Variants in ATXN7L1 observed in about 807,000 individuals in gnomAD.
ATXN7L1 encodes ataxin-7-like protein 1.
In ATXN7L1, 15 loss-of-function variants were observed where a neutral mutation model predicts 70.8. That is an observed-to-expected ratio of 0.21 (90% CI 0.14 to 0.33). The LOEUF is 0.33. Ranked by LOEUF, ATXN7L1 falls within the 10% of genes least tolerant of loss-of-function variation. The pLI is 1.00. For synonymous variants in ATXN7L1, 440 were observed against 445.1 expected (o/e 0.99, Z 0.14); for missense variants, 975 against 1,097.1 (o/e 0.89, Z 1.57).
Position 105,795,719 on chromosome 7 carries a change from C to G in ATXN7L1, c.251-7011G>C, listed in dbSNP as rs1805891803. 1.3e-5 allele frequency among the ~76,000 whole-genome samples: 2 copies of G among 152,126 alleles called. 1 individual carries two copies. Among genetic ancestry groups the G allele is most frequent in the South Asian group, 4.1e-4 (2 of 4,830 alleles). On this transcript the variant is annotated intron_variant, in intron 2 of 11. Transcript: ENST00000419735. ...TGAAGGCAGTCGGACAGCCTATTGG[C>G]AATCAGTGATATCTACGCTCACCAT...
chr7:105,819,781 GC>G, intron 2 of ATXN7L1: 1 of 675,208 alleles, frequency 1.5e-6, no homozygotes. Context: ...AGGCCGGGCC[GC>G]CCTGGAGCGC....
intron 4 of ATXN7L1, 92 bp downstream of exon 4, chr7:105,664,974 G>A: frequency 7.7e-7 from 1 of 1,299,446 alleles, no homozygotes; most frequent in Non-Finnish European, 1.1e-6. Context: ...GTGACACCTA[G>A]GAACAAAGCC....
intron 7 of ATXN7L1, among the ~76,000 whole-genome samples, chr7:105,635,708 T>C (rs4730097): frequency 0.53 from 80,225 of 152,066 alleles, 21,404 homozygotes; most frequent in South Asian, 0.63. Context: ...GGTTGCAATG[T>C]AAGAATATGA....
intron 2 of ATXN7L1, among the ~76,000 whole-genome samples, chr7:105,868,217 C>A (rs1489404613): frequency 6.6e-6 from 1 of 152,066 alleles, no homozygotes; most frequent in Non-Finnish European, 1.5e-5. Context: ...TCAGTGAGGC[C>A]CCCCCACCAT....
chr7:105,614,499 G>T lies in ATXN7L1; in HGVS notation c.1835C>A (p.Pro612His). The change falls in exon 10 of 12, where the codon CCT becomes CAT. Residue 612 changes from proline (P) to histidine (H), a missense_variant. Transcript: ENST00000419735. This position sits in a 1 kb window ranked among gnomAD's most constrained non-coding sequence, Gnocchi z 4.3. ...TTTGGATGGCTTGTGGGATGGGGAA[G>T]GGATGACGGCTGGTATCGGGGACAC... ...SAVSPIPAVI[P>H]SPSHKPSKTK... is the part of the protein sequence containing the mutation. 6.5e-7 allele frequency: 1 copy of T among 1,533,932 alleles called. No individual in the cohort carries two copies. The highest frequency in any genetic ancestry group is 8.8e-7 in the Non-Finnish European group (1 of 1,136,920).
chr7:105,798,168 C>T (rs892142156), intron 2 of ATXN7L1, among the ~76,000 whole-genome samples: 3 of 152,208 alleles, frequency 2.0e-5, no homozygotes, highest in African/African-American at 7.2e-5. Context: ...GGTGAGCCGT[C>T]AGTGGAGAAG....
rs1351888040 is a variant in ATXN7L1 at position 105,610,516 on chromosome 7, C to T, written c.2547+13G>A. 14 of 1,550,526 alleles carry T rather than the reference C, an allele frequency of 9.0e-6. No individual in the cohort carries two copies. The highest frequency in any genetic ancestry group is 1.2e-5 in the Non-Finnish European group (14 of 1,146,096). ...TATGAATTTTTGCCCCACCCCCACC[C>T]TCAGTAACTTACCTGTCGGCTGTGT... On this transcript the variant is annotated intron_variant, in intron 11 of 11. Transcript: ENST00000419735.
intron 2 of ATXN7L1, among the ~76,000 whole-genome samples, chr7:105,845,885 C>G (rs879541871): frequency 6.6e-6 from 1 of 152,088 alleles, no homozygotes; most frequent in Non-Finnish European, 1.5e-5. Flanking sequence ...ACACCATGTA[C>G]AAAAACATAC....
intron 3 of ATXN7L1, among the ~76,000 whole-genome samples, chr7:105,708,071 C>A (rs748870032): frequency 3.3e-5 from 5 of 152,148 alleles, no homozygotes; most frequent in Admixed American, 6.5e-5. Flanking sequence ...CCAGACTGGG[C>A]GCGAAGTGTT....
At chr7:105,727,727 G>GGTGT (rs1269687539) in intron 3 of ATXN7L1, among the ~76,000 whole-genome samples, 15 of 75,646 alleles carry the variant, frequency 2.0e-4, no homozygotes, top group African/African-American at 7.8e-4. Flanking sequence ...TTTCCATAGG[G>GGTGT]GTGTGTGTGT....
At chr7:105,652,460 G>C (rs995807380) in intron 4 of ATXN7L1, among the ~76,000 whole-genome samples, 1 of 152,210 alleles carries the variant, frequency 6.6e-6, no homozygotes, top group Admixed American at 6.5e-5. Context: ...AGAGCCCCAA[G>C]CACCCTGTCC....
At chr7:105,613,841 C>A (rs756579949) in intron 10 of ATXN7L1, 21 bp downstream of exon 10, 1 of 1,551,734 alleles carries the variant, frequency 6.4e-7, no homozygotes, top group East Asian at 2.4e-5. Flanking sequence ...CCGGTGAAGG[C>A]GGTGCCAGGA....
intron 10 of ATXN7L1, among the ~76,000 whole-genome samples, chr7:105,612,558 C>T (rs1014167247): frequency 5.3e-5 from 8 of 152,168 alleles, no homozygotes; most frequent in African/African-American, 1.2e-4. Context: ...TGGGACCTGG[C>T]GGTGGCACCC....
chr7:105,690,403 T>C (rs1214313071), intron 3 of ATXN7L1, among the ~76,000 whole-genome samples: 2 of 152,222 alleles, frequency 1.3e-5, no homozygotes, highest in African/African-American at 2.4e-5. Flanking sequence ...CTCATCCTAA[T>C]GGTCACATTT....
intron 3 of ATXN7L1, among the ~76,000 whole-genome samples, chr7:105,724,337 G>T (rs1160412942): frequency 1.3e-5 from 2 of 152,138 alleles, no homozygotes; most frequent in African/African-American, 4.8e-5. Context: ...ACTTTGGGAG[G>T]CCAAGGCAGG....
intron 9 of ATXN7L1, among the ~76,000 whole-genome samples, chr7:105,615,844 A>T (rs1706897): frequency 6.6e-6 from 1 of 152,134 alleles, no homozygotes; most frequent in Non-Finnish European, 1.5e-5. Context: ...TGGAGCCAAG[A>T]CCAGCACTAG....
Position 105,658,696 on chromosome 7 carries a change from AT to A in ATXN7L1, c.578+6369del, listed in dbSNP as rs879862467. On this transcript the variant is annotated intron_variant, in intron 4 of 11. Coordinates refer to ENST00000419735, the MANE Select transcript of ATXN7L1 (RefSeq NM_020725.2). Reference sequence around the variant, plus strand: ...CAGGCATGCGCCACCATGCCTGGTTATTTTTTTTTGTATTTTTAGTAGATAC... The same window carrying A: ...CAGGCATGCGCCACCATGCCTGGTTATTTTTTTTGTATTTTTAGTAGATAC... 6.0e-3 allele frequency among the ~76,000 whole-genome samples: 906 copies of A among 150,152 alleles called. 1 individual carries two copies. The highest frequency in any genetic ancestry group is 9.7e-3 in the Admixed American group (147 of 15,084).
In ATXN7L1 at chr7:105,855,105, C is replaced by G. The variant is rs368544938; in HGVS notation, c.250+20707G>C. ...AAGTAGCTGGAACTACAGGTGTGCG[C>G]CACCACGCCCAGCTAATTTTTGTAT... On this transcript the variant is annotated intron_variant, in intron 2 of 11. Coordinates refer to ENST00000419735, the MANE Select transcript of ATXN7L1 (RefSeq NM_020725.2). Among the ~76,000 whole-genome samples, 16 of 152,204 alleles carry G rather than the reference C, an allele frequency of 1.1e-4. No homozygotes were observed. The South Asian group carries it at 3.3e-3, about 32-fold the overall frequency.
chr7:105,825,747 T>C (rs75850629), intron 2 of ATXN7L1, among the ~76,000 whole-genome samples: 19 of 152,302 alleles, frequency 1.2e-4, no homozygotes, highest in African/African-American at 4.3e-4. Context: ...TTCTGGAATC[T>C]GTTCCTCATC....
Sources: allele counts gnomAD v4.1 joint callset (sites outside exome capture counted in the v4.1 genomes callset), GRCh38; gene constraint gnomAD v4.1.1; non-coding constraint Gnocchi (gnomAD v3.1); transcripts MANE v1.5; gene names NCBI Gene and HGNC (gene_info 2026-07-23, HGNC 2026-07-21).